The following IGSF3 variants were observed in gnomAD, a reference collection of about 807,000 sequenced individuals.
IGSF3 encodes the protein glu-Trp-Ile EWI motif-containing protein 3.
IGSF3 carries 23 observed loss-of-function variants against 114.4 expected under a neutral mutation model. The observed-to-expected ratio is 0.20, with a 90% CI of 0.14 to 0.28. IGSF3 has a LOEUF of 0.28. Among genes scored for constraint, IGSF3 ranks in the 10% least tolerant of loss-of-function variants. The pLI, the probability that IGSF3 is intolerant of heterozygous loss-of-function variation, is 1.00. For missense variants in IGSF3, 1,172 were observed against 1,591.5 expected (o/e 0.74, Z 4.48); for synonymous variants, 571 against 645.2 (o/e 0.88, Z 1.74).
intron 2 of IGSF3, among the ~76,000 whole-genome samples, chr1:116,641,201 G>C (rs561315825): frequency 6.6e-6 from 1 of 152,138 alleles, no homozygotes; most frequent in Non-Finnish European, 1.5e-5. Context: ...TTTCACAATA[G>C]AAAATTAAAA....
In IGSF3 at chr1:116,577,454, C is replaced by T. The variant is rs374606029; in HGVS notation, c.3443G>A (p.Arg1148His). 1.2e-5 allele frequency: 19 copies of T among 1,613,992 alleles called. No homozygotes were observed. The highest frequency in any genetic ancestry group is 3.3e-5 in the Admixed American group (2 of 60,004). ...CTTGCTGGAGTTCCGGCTCTTGAAACGCACCAGAAGGATGGTGATGATAAG... is the reference window on the plus strand; with the variant it reads ...CTTGCTGGAGTTCCGGCTCTTGAAATGCACCAGAAGGATGGTGATGATAAG... ...GILIITILLV[R>H]FKSRNSSKNS... Residue 1148 changes from arginine to histidine, a missense_variant, in exon 11 of 11, where the codon CGT becomes CAT. By Grantham distance (29) the Arg-to-His change is conservative. Transcript: ENST00000369486. This position sits in a 1 kb window ranked among gnomAD's most constrained non-coding sequence, Gnocchi z 5.7.
Position 116,622,961 on chromosome 1 carries a change from C to G in IGSF3, c.44-6504G>C, listed in dbSNP as rs756911020. 1.7e-4 allele frequency among the ~76,000 whole-genome samples: 26 copies of G among 152,212 alleles called. 1 individual carries two copies. The highest frequency in any genetic ancestry group is 2.2e-4 in the Non-Finnish European group (15 of 68,032). On this transcript the variant is annotated intron_variant, in intron 2 of 10. Coordinates refer to ENST00000369486, the MANE Select transcript of IGSF3 (RefSeq NM_001007237.3). ...TGCAGTCCCAAGTTAAAAATGGGAA[C>G]TGAACTGAGCTGCCACAGCATGCTG...
rs1469560753 is a variant in IGSF3 at position 116,585,560 on chromosome 1, T to C, written c.2441-508A>G. ...CATGTGTTAGCCCTACGAATTGTAG[T>C]CCAACATCCTTACAAAAACCCACAC... On this transcript the variant is annotated intron_variant, in intron 8 of 10. Coordinates refer to ENST00000369486, the MANE Select transcript of IGSF3 (RefSeq NM_001007237.3). This position sits in a 1 kb window ranked among gnomAD's most constrained non-coding sequence, Gnocchi z 4.9. Among the ~76,000 whole-genome samples, 2 of 152,222 alleles carry C rather than the reference T, an allele frequency of 1.3e-5. No homozygotes were observed. Among genetic ancestry groups the C allele is most frequent in the Non-Finnish European group, 2.9e-5 (2 of 68,038 alleles).
intron 4 of IGSF3, among the ~76,000 whole-genome samples, chr1:116,608,534 G>T (rs1660889711): frequency 6.6e-6 from 1 of 152,140 alleles, no homozygotes; most frequent in African/African-American, 2.4e-5. Context: ...ATCACAGAGA[G>T]AATTCAAAAC....
chr1:116,578,957 C>T lies in IGSF3; in HGVS notation c.3334+435G>A, dbSNP rs558746257. Among the ~76,000 whole-genome samples the T allele has an allele frequency of 5.9e-5, 9 of 152,280 alleles. No homozygotes were observed. In the South Asian group the frequency reaches 1.4e-3, roughly 25 times the overall value. On this transcript the variant is annotated intron_variant, in intron 10 of 10. Transcript: ENST00000369486. The stretch of plus-strand genomic sequence containing the variant: ...AAGGCACCCTCCAAAATAACAATAA[C>T]GCAGAAACTGGACAAAAAGAAATAA...
chr1:116,616,366 A>C lies in IGSF3; in HGVS notation c.135T>G (p.Ser45Arg), dbSNP rs1431880149. ...TCTGCTCAGAAGGTCCCTGGTAGCC[A>C]CTCACATTGCACCAGATAGTGATGT... Reference protein sequence around the residue: ...GSHITIWCNVSGYQGPSEQNF... With the variant: ...GSHITIWCNVRGYQGPSEQNF... The change falls in exon 3 of 11, where the codon AGT becomes AGG. Residue 45 changes from serine to arginine, a missense_variant. Ser to Arg is a moderately radical substitution (Grantham distance 110, BLOSUM62 -1). This residue lies in a region of IGSF3 where 736 missense variants were observed against 1,042.0 expected (regional missense o/e 0.71). Transcript: ENST00000369486. This position sits in a 1 kb window ranked among gnomAD's most constrained non-coding sequence, Gnocchi z 6.6. 2 of 1,612,006 alleles carry C rather than the reference A, an allele frequency of 1.2e-6. No individual in the cohort carries two copies. Among genetic ancestry groups the C allele is most frequent in the Non-Finnish European group, 1.7e-6 (2 of 1,179,806 alleles).
At position 116,649,593 on chromosome 1, in the gene IGSF3, C is replaced by G. The variant is rs181056912; in HGVS notation, c.43+16691G>C. On this transcript the variant is annotated intron_variant, in intron 2 of 10. Transcript: ENST00000369486. This position sits in a 1 kb window ranked among gnomAD's most constrained non-coding sequence, Gnocchi z 4.5. ...TCACCAGTTAATTTATTACAATCTT[C>G]CTTTGACAGCTTCACTCCCTCCCCG... Among the ~76,000 whole-genome samples the G allele has an allele frequency of 6.6e-6, 1 of 152,304 alleles. No individual in the cohort carries two copies. The highest frequency in any genetic ancestry group is 1.9e-4 in the East Asian group (1 of 5,188).
intron 2 of IGSF3, among the ~76,000 whole-genome samples, chr1:116,639,087 T>C (rs1271786616): frequency 2.0e-5 from 3 of 152,306 alleles, no homozygotes; most frequent in East Asian, 1.9e-4. Flanking sequence ...AATCAGAGTC[T>C]GGGAGTATGC....
rs758969450 is a variant in IGSF3 at position 116,666,756 on chromosome 1, G to A, written c.-430C>T. The A allele has an allele frequency of 2.3e-6, 1 of 440,838 alleles. No homozygotes were observed. The highest frequency in any genetic ancestry group is 3.4e-5 in the East Asian group (1 of 29,618). The allele number at this position is 440,838 out of a possible 1,614,324, so 27.3% of individuals were successfully genotyped here. A position where few individuals can be genotyped will look rare whatever the true frequency, so the allele number is the denominator to read the frequency against. On this transcript the variant is annotated 5_prime_UTR_variant, in exon 2 of 11. Coordinates refer to ENST00000369486, the MANE Select transcript of IGSF3 (RefSeq NM_001007237.3). ...CTCCCTCATTCGGATTCCCCAGAGA[G>A]AACAGGGCAGGTTTCGTCAAAACCT...
rs370777003 is a variant in IGSF3 at position 116,636,713 on chromosome 1, G to A, written c.44-20256C>T. 5.9e-5 allele frequency among the ~76,000 whole-genome samples: 9 copies of A among 152,086 alleles called. No homozygotes were observed. The highest frequency in any genetic ancestry group is 1.2e-4 in the Non-Finnish European group (8 of 68,018). Reference sequence around the variant, plus strand: ...GGGCTGGAACCCTGTCTTTTGCCTCGAAGCACAGGGCCCTCCTTCTGTCCC... The same window carrying A: ...GGGCTGGAACCCTGTCTTTTGCCTCAAAGCACAGGGCCCTCCTTCTGTCCC... On this transcript the variant is annotated intron_variant, in intron 2 of 10. Coordinates refer to ENST00000369486, the MANE Select transcript of IGSF3 (RefSeq NM_001007237.3). The surrounding 1 kb of genome is among the most constrained non-coding windows in gnomAD (Gnocchi z 4.5).
Position 116,588,679 on chromosome 1 carries a change from G to C in IGSF3, c.2440+15C>G. 6.5e-7 allele frequency: 1 copy of C among 1,547,370 alleles called. No individual in the cohort carries two copies. The highest frequency in any genetic ancestry group is 8.8e-7 in the Non-Finnish European group (1 of 1,140,066). ...AAACCCACTGGCCCAGGACAGCCGTGCCCTGCGGCCTTACCTGGCTGTTTC... is the reference window on the plus strand; with the variant it reads ...AAACCCACTGGCCCAGGACAGCCGTCCCCTGCGGCCTTACCTGGCTGTTTC... On this transcript the variant is annotated intron_variant, in intron 8 of 10. Transcript: ENST00000369486. This position sits in a 1 kb window ranked among gnomAD's most constrained non-coding sequence, Gnocchi z 4.9.
intron 2 of IGSF3, among the ~76,000 whole-genome samples, chr1:116,635,029 C>T (rs1230008589): frequency 6.6e-6 from 1 of 152,228 alleles, no homozygotes; most frequent in Non-Finnish European, 1.5e-5. Flanking sequence ...TGAGCCAGAA[C>T]CACGAGCCCA....
Position 116,624,077 on chromosome 1 carries a change from ACT to A in IGSF3, c.44-7622_44-7621del, listed in dbSNP as rs1222539518. ...ACTGTGGGCTGGGCAACAGAGAAAG[ACT>A]CTATCTAAAAAAAAAACAAAAAAAA... is the stretch of plus-strand genomic sequence containing the variant. On this transcript the variant is annotated intron_variant, in intron 2 of 10. Coordinates refer to ENST00000369486, the MANE Select transcript of IGSF3 (RefSeq NM_001007237.3). The surrounding 1 kb of genome is among the most constrained non-coding windows in gnomAD (Gnocchi z 4.9). Among the ~76,000 whole-genome samples, 1 of 146,912 alleles carries A rather than the reference ACT, an allele frequency of 6.8e-6. No individual in the cohort carries two copies. Among genetic ancestry groups the A allele is most frequent in the Non-Finnish European group, 1.5e-5 (1 of 67,262 alleles).
chr1:116,604,168 G>C, intron 5 of IGSF3, 143 bp from the exon 6 acceptor site: 1 of 738,718 alleles, frequency 1.4e-6, no homozygotes, highest in Non-Finnish European at 2.2e-6. Flanking sequence ...TCTGACCCTA[G>C]TTGCTGCAAG....
At chr1:116,587,650 G>C (rs532945651) in intron 8 of IGSF3, among the ~76,000 whole-genome samples, 1 of 152,248 alleles carries the variant, frequency 6.6e-6, no homozygotes, top group Non-Finnish European at 1.5e-5. Context: ...ATTAGGCTAT[G>C]TGTTTTAGAA....
chr1:116,600,186 A>G lies in IGSF3; in HGVS notation c.1784T>C (p.Leu595Ser), dbSNP rs1660519250. Reference sequence around the variant, plus strand: ...CCCTCCGTCCCGGGTGAAGGTCACCAAGTCATGGAACTCCACCGTGCCCAC... The same window carrying G: ...CCCTCCGTCCCGGGTGAAGGTCACCGAGTCATGGAACTCCACCGTGCCCAC... ...QPVGTVEFHDLVTFTRDGGVQ... is the reference protein window; with the variant it reads ...QPVGTVEFHDSVTFTRDGGVQ... Residue 595 changes from leucine (L) to serine (S), a missense_variant, in exon 7 of 11, where the codon TTG (leucine) becomes TCG (serine). Physicochemically the swap from Leu to Ser is moderately radical, Grantham distance 145. Transcript: ENST00000369486. The surrounding 1 kb of genome is among the most constrained non-coding windows in gnomAD (Gnocchi z 5.5). 6.2e-7 allele frequency: 1 copy of G among 1,614,148 alleles called. No individual in the cohort carries two copies. Among genetic ancestry groups the G allele is most frequent in the African/African-American group, 1.3e-5 (1 of 75,052 alleles).
rs144392731 is a variant in IGSF3 at position 116,661,821 on chromosome 1, A to G, written c.43+4463T>C. 1.3e-5 allele frequency among the ~76,000 whole-genome samples: 2 copies of G among 152,202 alleles called. No homozygotes were observed. Among genetic ancestry groups the G allele is most frequent in the Non-Finnish European group, 2.9e-5 (2 of 68,044 alleles). On this transcript the variant is annotated intron_variant, in intron 2 of 10. Transcript: ENST00000369486. This position sits in a 1 kb window ranked among gnomAD's most constrained non-coding sequence, Gnocchi z 4.0. ...AAGCATATTTTCCAGCCTTCTTTGC[A>G]GCTAAATATGGTCACATGACTAGGT...
At chr1:116,640,037 C>CAAAAAAAAAAAAAAAAAA (rs34003833) in intron 2 of IGSF3, among the ~76,000 whole-genome samples, 1 of 65,286 alleles carries the variant, frequency 1.5e-5, no homozygotes, top group Non-Finnish European at 3.0e-5. Context: ...GACTCTATCT[C>CAAAAAAAAAAAAAAAAAA]AAAAAAAAAA....
intron 7 of IGSF3, among the ~76,000 whole-genome samples, chr1:116,599,518 G>T (rs12079849): frequency 8.9e-4 from 136 of 152,206 alleles, no homozygotes; most frequent in African/African-American, 3.2e-3. Context: ...AATCTGAAAG[G>T]GAAAAATAAA....
Sources: gnomAD v4.1 joint callset for allele counts (sites outside exome capture counted in the v4.1 genomes callset) on GRCh38, gnomAD v4.1.1 for gene constraint, gnomAD v4.1.1 regional missense constraint, Gnocchi (gnomAD v3.1) non-coding constraint, MANE v1.5 for transcripts, NCBI Gene and HGNC (gene_info 2026-07-23, HGNC 2026-07-21) for gene names.